IQSEC1: variants seen among roughly 807,000 people sequenced by gnomAD.
The protein encoded by IQSEC1 is IQ motif and Sec7 domain ArfGEF 1, also known as IQ motif and SEC7 domain-containing protein 1.
A neutral mutation model predicts 91.0 loss-of-function variants in IQSEC1; 31 were observed. The observed-to-expected ratio is 0.34, with a 90% CI of 0.26 to 0.46. The LOEUF is 0.46. Ranked by LOEUF, IQSEC1 falls within the 20% of genes least tolerant of loss-of-function variation. IQSEC1 has a pLI of 1.00. For synonymous variants in IQSEC1, 699 were observed against 662.6 expected, an observed-to-expected ratio of 1.05 and a Z score of -0.84; for missense variants, 1,388 against 1,575.6, an observed-to-expected ratio of 0.88 and a Z score of 2.02.
rs142207725 is a variant in IQSEC1, at chr3:13,020,794, G to A, written c.23+52198C>T. On this transcript the variant is annotated intron_variant, in intron 1 of 13. Transcript: ENST00000613206. Reference sequence around the variant, plus strand: ...AGCATTCCTCCTGCCTCAGCCTTCCGAGTAGCTGGGACTAGAGACATGCAC... The same window carrying A: ...AGCATTCCTCCTGCCTCAGCCTTCCAAGTAGCTGGGACTAGAGACATGCAC... 4.2e-3 allele frequency among the ~76,000 whole-genome samples: 635 copies of A among 152,230 alleles called. 7 individuals carry two copies. The highest frequency in any genetic ancestry group is 0.014 in the African/African-American group (597 of 41,516).
intron 1 of IQSEC1, among the ~76,000 whole-genome samples, chr3:12,965,098 C>G (rs763535058): frequency 3.9e-5 from 6 of 152,184 alleles, no homozygotes; most frequent in Non-Finnish European, 7.3e-5. Flanking sequence ...TGTAGGCTCC[C>G]CATGTGATAT....
rs943526642 is a variant in IQSEC1, at chr3:13,103,721, C to A, written c.303-56199G>T. Among the ~76,000 whole-genome samples the A allele has an allele frequency of 3.9e-5, 6 of 152,098 alleles. No individual in the cohort carries two copies. Among genetic ancestry groups the A allele is most frequent in the African/African-American group, 1.4e-4 (6 of 41,414 alleles). On this transcript the variant is annotated intron_variant, in intron 2 of 15. Transcript: ENST00000648114. This position sits in a 1 kb window ranked among gnomAD's most constrained non-coding sequence, Gnocchi z 4.1. ...GAGCAGGGGAAGGTTGGAGGCCTGA[C>A]CCCCAGAGGGTGCGCCTCCTACCCC...
chr3:13,010,068 A>T (rs9874005), intron 1 of IQSEC1, among the ~76,000 whole-genome samples: 1,603 of 152,336 alleles, frequency 0.011, 32 homozygotes, highest in African/African-American at 0.036. Flanking sequence ...TCATCTGCAA[A>T]ATAGGGATCA....
chr3:13,246,774 C>G (rs573872511), intron 1 of IQSEC1, among the ~76,000 whole-genome samples: 1 of 152,232 alleles, frequency 6.6e-6, no homozygotes, highest in South Asian at 2.1e-4. Flanking sequence ...GTCCTATCCT[C>G]GCAGAATACT....
At chr3:13,275,557 T>C (rs1352044587) in intron 1 of IQSEC1, among the ~76,000 whole-genome samples, 1 of 152,184 alleles carries the variant, frequency 6.6e-6, no homozygotes, top group Admixed American at 6.5e-5. Context: ...TTCCCCTGCC[T>C]TGACACCATC....
In IQSEC1 at chr3:12,967,777, G is replaced by C; in HGVS notation, c.24-25912C>G. On this transcript the variant is annotated intron_variant, in intron 1 of 13. Coordinates refer to ENST00000613206, the MANE Select transcript of IQSEC1 (RefSeq NM_001134382.3). This position sits in a 1 kb window ranked among gnomAD's most constrained non-coding sequence, Gnocchi z 5.9. ...GGGCCGGAGGGCGAGCTGGGGGCGGGGCCGGAGGGCGAGCTGGGGGCGGGG... is the reference window on the plus strand; with the variant it reads ...GGGCCGGAGGGCGAGCTGGGGGCGGCGCCGGAGGGCGAGCTGGGGGCGGGG... The C allele has an allele frequency of 1.2e-6, 1 of 842,346 alleles. No homozygotes were observed. The highest frequency in any genetic ancestry group is 1.4e-6 in the Non-Finnish European group (1 of 691,910). The allele number at this position is 842,346 out of a possible 1,614,324, so 52.2% of individuals were successfully genotyped here.
At chr3:13,067,873 C>T (rs1173823477) in intron 1 of IQSEC1, among the ~76,000 whole-genome samples, 16 of 152,250 alleles carry the variant, frequency 1.1e-4, no homozygotes, top group Admixed American at 1.0e-3. Flanking sequence ...TGCAAGGAGG[C>T]AGGCCAGGGC....
chr3:12,910,825 G>A (rs573939166), intron 10 of IQSEC1, among the ~76,000 whole-genome samples: 1 of 152,328 alleles, frequency 6.6e-6, no homozygotes, highest in South Asian at 2.1e-4. Context: ...CTAGTTCTGA[G>A]AGGATAAGGG....
chr3:13,112,387 C>T (rs572897123), intron 2 of IQSEC1, among the ~76,000 whole-genome samples: 35 of 152,366 alleles, frequency 2.3e-4, no homozygotes, highest in African/African-American at 7.9e-4. Flanking sequence ...AGACTGGTAA[C>T]ACCTGCCAAC....
At chr3:13,095,145 G>T (rs1467814816) in intron 2 of IQSEC1, among the ~76,000 whole-genome samples, 1 of 151,920 alleles carries the variant, frequency 6.6e-6, no homozygotes, top group Non-Finnish European at 1.5e-5. Context: ...CTCTGCCTGT[G>T]GGTGGACCCC....
At chr3:13,138,619 A>G (rs1706749972) in intron 2 of IQSEC1, among the ~76,000 whole-genome samples, 1 of 152,116 alleles carries the variant, frequency 6.6e-6, no homozygotes, top group Admixed American at 6.5e-5. Flanking sequence ...CACAGAGGCC[A>G]GGGAGGGGCC....
Position 13,264,998 on chromosome 3 carries a change from G to A in IQSEC1, c.272+17713C>T, listed in dbSNP as rs140395004. Among the ~76,000 whole-genome samples, 104 of 152,266 alleles carry A rather than the reference G, an allele frequency of 6.8e-4. No homozygotes were observed. In the East Asian group the frequency reaches 0.018, roughly 26 times the overall value. ...TCTCTCAGCAGCATGGCTGAGGGCA[G>A]AAGGATAAGAAGGTGGGAGCTGCAG... is the stretch of plus-strand genomic sequence containing the variant. On this transcript the variant is annotated intron_variant, in intron 1 of 15. Transcript: ENST00000648114.
intron 1 of IQSEC1, among the ~76,000 whole-genome samples, chr3:12,988,064 A>G (rs1358424740): frequency 1.3e-5 from 2 of 152,252 alleles, no homozygotes; most frequent in Non-Finnish European, 2.9e-5. Context: ...CATGTGGTCC[A>G]TCACAGTAGA....
intron 2 of IQSEC1, among the ~76,000 whole-genome samples, chr3:13,133,233 G>A (rs753841527): frequency 2.0e-5 from 3 of 152,194 alleles, no homozygotes; most frequent in East Asian, 3.8e-4. Flanking sequence ...AACTCGTGTT[G>A]GTGTAGAATG....
At position 13,214,644 on chromosome 3, in the gene IQSEC1, G is replaced by A. The variant is rs1054774555; in HGVS notation, c.273-50511C>T. On this transcript the variant is annotated intron_variant, in intron 1 of 15. Coordinates refer to the IQSEC1 transcript ENST00000648114. This position sits in a 1 kb window ranked among gnomAD's most constrained non-coding sequence, Gnocchi z 4.5. ...CACCTCCAGGAATCCACCCTGGCAA[G>A]AGCAGGGCCACGGTGCCATCAAGGG... Among the ~76,000 whole-genome samples, 5 of 152,260 alleles carry A rather than the reference G, an allele frequency of 3.3e-5. No homozygotes were observed. The East Asian group carries it at 9.6e-4, about 29-fold the overall frequency.
At chr3:13,019,695 G>A (rs575593313) in intron 1 of IQSEC1, among the ~76,000 whole-genome samples, 1 of 152,326 alleles carries the variant, frequency 6.6e-6, no homozygotes, top group African/African-American at 2.4e-5. Context: ...GGGGCGCCTG[G>A]CAGTTATGGG....
In IQSEC1 at chr3:12,915,701, T is replaced by G. The variant is rs1045230493; in HGVS notation, c.2053A>C (p.Met685Leu). 46 of 1,613,976 alleles carry G rather than the reference T, an allele frequency of 2.9e-5. No homozygotes were observed. The highest frequency in any genetic ancestry group is 3.6e-5 in the Non-Finnish European group (43 of 1,179,998). The part of the protein sequence containing the change: ...VDDGEDIPRE[M>L]LMGIYERIRK... ...ATCCGTTCATAGATCCCCATCAGCATCTCACGGGGAATGTCCTCACCATCG... is the reference window on the plus strand; with the variant it reads ...ATCCGTTCATAGATCCCCATCAGCAGCTCACGGGGAATGTCCTCACCATCG... Residue 685 changes from methionine (M) to leucine (L), a missense_variant, in exon 7 of 14, where the codon ATG (methionine) becomes CTG (leucine). By Grantham distance (15) the Met-to-Leu change is conservative (BLOSUM62 2). Transcript: ENST00000613206.
intron 2 of IQSEC1, among the ~76,000 whole-genome samples, chr3:13,118,204 G>A (rs575190327): frequency 2.0e-5 from 3 of 152,288 alleles, no homozygotes; most frequent in South Asian, 2.1e-4. Flanking sequence ...ACATCATGAT[G>A]TAATCCATGA....
At chr3:13,165,994 T>C (rs916571732) in intron 1 of IQSEC1, among the ~76,000 whole-genome samples, 6 of 152,168 alleles carry the variant, frequency 3.9e-5, no homozygotes, top group Non-Finnish European at 7.4e-5. Flanking sequence ...CCCTAATAAA[T>C]GCTGTGGACT....
Sources: gnomAD v4.1 joint callset for allele counts (sites outside exome capture counted in the v4.1 genomes callset) on GRCh38, gnomAD v4.1.1 for gene constraint, Gnocchi (gnomAD v3.1) non-coding constraint, MANE v1.5 for transcripts, NCBI Gene and HGNC (gene_info 2026-07-23, HGNC 2026-07-21) for gene names.